Variants in ITGA4 observed in about 807,000 individuals in gnomAD.
The protein encoded by ITGA4 is integrin alpha-4.
ITGA4 carries 63 observed loss-of-function variants against 133.6 expected under a neutral mutation model. The observed-to-expected ratio is 0.47, with a 90% CI of 0.38 to 0.58. The LOEUF is 0.58. Ranked by LOEUF, ITGA4 falls within the 20% of genes least tolerant of loss-of-function variation. The pLI, the probability that ITGA4 is intolerant of heterozygous loss-of-function variation, is 0.00. For synonymous variants in ITGA4, 483 were observed against 438.0 expected (o/e 1.10, Z -1.28); for missense variants, 1,076 against 1,252.7 (o/e 0.86, Z 2.13).
intron 2 of ITGA4, among the ~76,000 whole-genome samples, chr2:181,464,342 A>G (rs944489825): frequency 2.6e-5 from 4 of 152,162 alleles, no homozygotes; most frequent in African/African-American, 9.6e-5. Flanking sequence ...GTGAGAAACA[A>G]TAGCAAGCGT....
chr2:181,484,790 G>A (rs1048765439), intron 9 of ITGA4, among the ~76,000 whole-genome samples: 7 of 152,178 alleles, frequency 4.6e-5, no homozygotes, highest in Non-Finnish European at 1.0e-4. Context: ...TGGAAGAAGT[G>A]ATTCCCTTTG....
intron 14 of ITGA4, among the ~76,000 whole-genome samples, chr2:181,497,840 C>G (rs1272925447): frequency 6.6e-6 from 1 of 151,186 alleles, no homozygotes; most frequent in African/African-American, 2.4e-5. Context: ...TTGGTAAGAT[C>G]TGGCTTGGAC....
chr2:181,532,806 CCTTGT>C (rs1244992593), intron 25 of ITGA4, among the ~76,000 whole-genome samples: 1 of 152,186 alleles, frequency 6.6e-6, no homozygotes, highest in African/African-American at 2.4e-5. Context: ...GAGAGGGCAT[CCTTGT>C]CTTGTGACGG....
intron 26 of ITGA4, 118 bp from the exon 27 acceptor site, chr2:181,534,698 G>T: frequency 1.2e-6 from 1 of 824,962 alleles, no homozygotes; most frequent in Non-Finnish European, 1.9e-6. Flanking sequence ...AAGAAAATGG[G>T]CTGGGCAGTT....
chr2:181,504,815 A>G (rs951374888), intron 15 of ITGA4, among the ~76,000 whole-genome samples: 3 of 152,002 alleles, frequency 2.0e-5, no homozygotes. Flanking sequence ...AGAATGTTCT[A>G]TTGGTATAAT....
chr2:181,475,006 A>G lies in ITGA4; in HGVS notation c.366A>G (p.Arg122=), dbSNP rs201407824. 1.1e-4 allele frequency: 175 copies of G among 1,613,992 alleles called. No individual in the cohort carries two copies. The highest frequency in any genetic ancestry group is 1.5e-4 in the Non-Finnish European group (174 of 1,179,984). The change falls in exon 3 of 28, where the codon AGA becomes AGG. Residue 122 remains arginine, a synonymous_variant. Transcript: ENST00000397033. ...EPCGKTCLEE[R]DNQWLGVTLS... The stretch of plus-strand genomic sequence containing the variant: ...GTGGAAAGACTTGTTTGGAAGAGAG[A>G]GACAATCAGTGGTTGGGGGTCACAC...
Position 181,457,539 on chromosome 2 carries a change from G to T in ITGA4, c.-116G>T, listed in dbSNP as rs1180102014. 2.5e-5 allele frequency: 24 copies of T among 951,324 alleles called. No homozygotes were observed. Among genetic ancestry groups the T allele is most frequent in the Non-Finnish European group, 3.5e-5 (23 of 650,962 alleles). The allele number at this position is 951,324 out of a possible 1,614,324, so 58.9% of individuals were successfully genotyped here. On this transcript the variant is annotated 5_prime_UTR_variant, in exon 1 of 28. Transcript: ENST00000397033. ...TCTCTCCTTCCTTTAGCCCGCTGGC[G>T]CCGGACACGCTGCGCCTCATCTCTT...
chr2:181,500,822 A>G (rs1686252264), intron 15 of ITGA4, among the ~76,000 whole-genome samples: 1 of 152,166 alleles, frequency 6.6e-6, no homozygotes, highest in Non-Finnish European at 1.5e-5. Context: ...TGAATAAGAC[A>G]TAAAAACATC....
At chr2:181,481,165 T>G (rs920696883) in intron 6 of ITGA4, among the ~76,000 whole-genome samples, 1 of 152,174 alleles carries the variant, frequency 6.6e-6, no homozygotes, top group Non-Finnish European at 1.5e-5. Flanking sequence ...TTTTATCACA[T>G]AAAATACGAA....
chr2:181,504,729 G>C (rs946431349), intron 15 of ITGA4, among the ~76,000 whole-genome samples: 1 of 151,928 alleles, frequency 6.6e-6, no homozygotes, highest in Non-Finnish European at 1.5e-5. Context: ...ACATAAGGCA[G>C]AAACAATAAA....
chr2:181,515,157 G>C (rs984901585), intron 17 of ITGA4, among the ~76,000 whole-genome samples: 6 of 152,052 alleles, frequency 3.9e-5, no homozygotes, highest in Admixed American at 6.6e-5. Context: ...AAGAACCAAT[G>C]TTATGGTGGT....
intron 14 of ITGA4, among the ~76,000 whole-genome samples, chr2:181,498,065 TA>T (rs2105747121): frequency 6.6e-6 from 1 of 152,156 alleles, no homozygotes; most frequent in East Asian, 1.9e-4. Context: ...AATCAGGGCA[TA>T]AGACTGGAAA....
chr2:181,522,597 G>A (rs977096840), intron 18 of ITGA4, among the ~76,000 whole-genome samples: 6 of 152,152 alleles, frequency 3.9e-5, no homozygotes, highest in Non-Finnish European at 7.3e-5. Context: ...TCTCACTGCC[G>A]TAGCCAGCAC....
intron 17 of ITGA4, 23 bp downstream of exon 17, chr2:181,511,798 C>G: frequency 8.6e-7 from 1 of 1,159,228 alleles, no homozygotes; most frequent in East Asian, 2.4e-5. Flanking sequence ...GGTATATAGT[C>G]TCTGTTATTC....
rs1311304018 is a variant in ITGA4 at position 181,523,761 on chromosome 2, T to C, written c.2169+229T>C. Reference sequence around the variant, plus strand: ...GTTTACATCGAAATGGGCATGTGCATGTGTCAATCAGAATTCTGCTCCCCC... The same window carrying C: ...GTTTACATCGAAATGGGCATGTGCACGTGTCAATCAGAATTCTGCTCCCCC... On this transcript the variant is annotated intron_variant, in intron 19 of 27. Coordinates refer to ENST00000397033, the MANE Select transcript of ITGA4 (RefSeq NM_000885.6). The surrounding 1 kb of genome is among the most constrained non-coding windows in gnomAD (Gnocchi z 4.2). Among the ~76,000 whole-genome samples, 2 of 152,224 alleles carry C rather than the reference T, an allele frequency of 1.3e-5. No individual in the cohort carries two copies. The highest frequency in any genetic ancestry group is 1.9e-4 in the East Asian group (1 of 5,174).
chr2:181,509,716 C>T lies in ITGA4; in HGVS notation c.1754C>T (p.Pro585Leu). The T allele has an allele frequency of 6.2e-7, 1 of 1,611,252 alleles. No individual in the cohort carries two copies. Among genetic ancestry groups the T allele is most frequent in the Non-Finnish European group, 8.5e-7 (1 of 1,178,416 alleles). The change falls in exon 16 of 28, where the codon CCT becomes CTT. Residue 585 changes from proline to leucine, a missense_variant. By Grantham distance (98) the Pro-to-Leu change is moderately conservative. Transcript: ENST00000397033. ...IQIEAAYHLG[P>L]HVISKRSTEE... ...ATTGAAGCTGCTTACCACCTTGGTC[C>T]TCATGTCATCAGTAAACGAAGTACA...
rs539193333 is a variant in ITGA4, at chr2:181,530,914, G to A, written c.2664+265G>A. On this transcript the variant is annotated intron_variant, in intron 24 of 27. Coordinates refer to ENST00000397033, the MANE Select transcript of ITGA4 (RefSeq NM_000885.6). Reference sequence around the variant, plus strand: ...GAGGCCGAGGTGGGCAGATCACAAGGTCAGGAGTTCGAGACCAGCCTGGCC... The same window carrying A: ...GAGGCCGAGGTGGGCAGATCACAAGATCAGGAGTTCGAGACCAGCCTGGCC... Among the ~76,000 whole-genome samples, 15 of 152,162 alleles carry A rather than the reference G, an allele frequency of 9.9e-5. No homozygotes were observed. The East Asian group carries it at 2.5e-3, about 25-fold the overall frequency.
Position 181,495,842 on chromosome 2 carries a change from C to T in ITGA4, c.1445C>T (p.Thr482Met), listed in dbSNP as rs758516673. The change falls in exon 14 of 28, where the codon ACG (threonine) becomes ATG (methionine). Residue 482 changes from threonine (T) to methionine (M), a missense_variant. By Grantham distance (81) the Thr-to-Met change is moderately conservative. This residue lies in a region of ITGA4 where 436 missense variants were observed against 590.7 expected (regional missense o/e 0.74). Coordinates refer to ENST00000397033, the MANE Select transcript of ITGA4 (RefSeq NM_000885.6). This position sits in a 1 kb window ranked among gnomAD's most constrained non-coding sequence, Gnocchi z 4.3. ...SLSHPESVNR[T>M]KFDCVENGWP... ...AGCCACCCTGAGTCAGTAAATAGAA[C>T]GAAATTTGACTGTGTTGAAAATGGA... 8.1e-6 allele frequency: 13 copies of T among 1,613,672 alleles called. No individual in the cohort carries two copies. The highest frequency in any genetic ancestry group is 4.0e-5 in the African/African-American group (3 of 74,990).
At chr2:181,500,745 A>G (rs990885940) in intron 15 of ITGA4, among the ~76,000 whole-genome samples, 2 of 151,182 alleles carry the variant, frequency 1.3e-5, no homozygotes, top group Non-Finnish European at 3.0e-5. Flanking sequence ...CCTACTGGCC[A>G]TTCACTCCAT....
Sources: gnomAD v4.1 joint callset for allele counts (sites outside exome capture counted in the v4.1 genomes callset) on GRCh38, gnomAD v4.1.1 for gene constraint, gnomAD v4.1.1 regional missense constraint, Gnocchi (gnomAD v3.1) non-coding constraint, MANE v1.5 for transcripts, NCBI Gene and HGNC (gene_info 2026-07-23, HGNC 2026-07-21) for gene names.